CDH1: variants seen among roughly 807,000 people sequenced by gnomAD.
The protein encoded by CDH1 is cadherin 1.
Under a neutral mutation model 84.5 loss-of-function variants are expected in CDH1, and 35 were observed. The ratio of observed to expected loss-of-function variants is 0.41; its 90% CI spans 0.32 to 0.55. The LOEUF is 0.55. Among genes scored for constraint, CDH1 ranks in the 20% least tolerant of loss-of-function variants. The pLI, the probability that CDH1 is intolerant of heterozygous loss-of-function variation, is 0.19. For missense variants in CDH1, 994 were observed against 1,126.6 expected, an observed-to-expected ratio of 0.88 and a Z score of 1.68; for synonymous variants, 417 against 439.0, an observed-to-expected ratio of 0.95 and a Z score of 0.63.
rs2152134829 is a variant in CDH1 at position 68,815,594 on chromosome 16, C to T, written c.1400C>T (p.Thr467Ile). Residue 467 changes from threonine to isoleucine, a missense_variant, in exon 10 of 16, where the codon ACC becomes ATC. Around this residue, in one of 3 missense-constraint regions of CDH1, gnomAD observed 769 missense variants for 881.8 expected, o/e 0.87. Coordinates refer to ENST00000261769, the MANE Select transcript of CDH1 (RefSeq NM_004360.5). The part of the protein sequence containing the change: ...TNVVPFEVSL[T>I]TSTATVTVDV... Reference sequence around the variant, plus strand: ...GTGGTACCTTTTGAGGTCTCTCTCACCACCTCCACAGCCACCGTCACCGTG... The same window carrying T: ...GTGGTACCTTTTGAGGTCTCTCTCATCACCTCCACAGCCACCGTCACCGTG... 2 of 1,614,214 alleles carry T rather than the reference C, an allele frequency of 1.2e-6. No individual in the cohort carries two copies. The highest frequency in any genetic ancestry group is 1.7e-6 in the Non-Finnish European group (2 of 1,180,044).
chr16:68,825,961 C>T (rs1453597294), intron 13 of CDH1, among the ~76,000 whole-genome samples: 1 of 151,852 alleles, frequency 6.6e-6, no homozygotes, highest in Non-Finnish European at 1.5e-5. Context: ...GGACCACAGG[C>T]ATGAGCCACC....
At chr16:68,831,004 C>T (rs1961467427) in intron 15 of CDH1, among the ~76,000 whole-genome samples, 1 of 148,508 alleles carries the variant, frequency 6.7e-6, no homozygotes, top group Non-Finnish European at 1.5e-5. Context: ...ATTTTCTGGG[C>T]TTGTCTGATG....
intron 2 of CDH1, among the ~76,000 whole-genome samples, chr16:68,741,066 A>C (rs1161065210): frequency 6.6e-6 from 1 of 151,788 alleles, no homozygotes; most frequent in Non-Finnish European, 1.5e-5. Flanking sequence ...GAGATGGGTC[A>C]GACCCGGGGG....
At chr16:68,759,394 T>C (rs1316871396) in intron 2 of CDH1, among the ~76,000 whole-genome samples, 1 of 152,206 alleles carries the variant, frequency 6.6e-6, no homozygotes, top group Admixed American at 6.5e-5. Context: ...ATTTATTGAT[T>C]GAGTACTCAA....
At chr16:68,800,043 A>G (rs977387487) in intron 2 of CDH1, among the ~76,000 whole-genome samples, 1 of 151,362 alleles carries the variant, frequency 6.6e-6, no homozygotes, top group African/African-American at 2.4e-5. Flanking sequence ...TAAAAAAAAA[A>G]AAAAAACCAA....
chr16:68,772,546 C>T (rs1210967876), intron 2 of CDH1, among the ~76,000 whole-genome samples: 2 of 152,102 alleles, frequency 1.3e-5, no homozygotes, highest in Non-Finnish European at 1.5e-5. Flanking sequence ...TGGGCTAACC[C>T]GCACCGTATA....
At position 68,801,936 on chromosome 16, in the gene CDH1, C is replaced by T. The variant is rs746755728; in HGVS notation, c.387+43C>T. On this transcript the variant is annotated intron_variant, in intron 3 of 15. Coordinates refer to ENST00000261769, the MANE Select transcript of CDH1 (RefSeq NM_004360.5). The stretch of plus-strand genomic sequence containing the variant: ...TGAGAAGTTCGCTGTTGTTTTAGTG[C>T]GCTGTCTAATCCAGGTTTCTCAGCC... The T allele has an allele frequency of 1.9e-5, 29 of 1,488,442 alleles. No homozygotes were observed. In the Admixed American group the frequency reaches 2.0e-4, roughly 10 times the overall value. The allele number at this position is 1,488,442 out of a possible 1,614,324, so 92.2% of individuals were successfully genotyped here. A position where few individuals can be genotyped will look rare whatever the true frequency, so the allele number is the denominator to read the frequency against.
At position 68,808,592 on chromosome 16, in the gene CDH1, T is replaced by A. The variant is rs557258837; in HGVS notation, c.531+25T>A. ...GGTAGAGAAAGAAGTTCTCTGTTTC[T>A]CTGGGAGGGATTTGGCAGAGAAGTA... is the stretch of plus-strand genomic sequence containing the variant. On this transcript the variant is annotated intron_variant, in intron 4 of 15. Coordinates refer to ENST00000261769, the MANE Select transcript of CDH1 (RefSeq NM_004360.5). 9.6e-5 allele frequency: 155 copies of A among 1,614,120 alleles called. 2 individuals carry two copies. The South Asian group carries it at 1.7e-3, about 18-fold the overall frequency.
rs191849611 is a variant in CDH1 at position 68,781,490 on chromosome 16, G to A, written c.164-20180G>A. Among the ~76,000 whole-genome samples the A allele has an allele frequency of 1.8e-3, 271 of 152,130 alleles. 2 individuals are homozygous for A. Among genetic ancestry groups the A allele is most frequent in the Non-Finnish European group, 1.9e-3 (128 of 67,976 alleles). Reference sequence around the variant, plus strand: ...CCAGTAATTGGGACTACAGGAGCATGCCACTACACCTGGCTAATTTTTTCT... The same window carrying A: ...CCAGTAATTGGGACTACAGGAGCATACCACTACACCTGGCTAATTTTTTCT... On this transcript the variant is annotated intron_variant, in intron 2 of 15. Transcript: ENST00000261769.
intron 13 of CDH1, among the ~76,000 whole-genome samples, chr16:68,827,572 A>G (rs980021751): frequency 1.3e-5 from 2 of 152,140 alleles, no homozygotes; most frequent in African/African-American, 4.8e-5. Flanking sequence ...ATCTTAAGAG[A>G]AAATAAGAAC....
rs2152134624 is a variant in CDH1, at chr16:68,815,475, G to A, written c.1321-40G>A. 2 of 1,613,504 alleles carry A rather than the reference G, an allele frequency of 1.2e-6. No homozygotes were observed. The highest frequency in any genetic ancestry group is 1.7e-6 in the Non-Finnish European group (2 of 1,179,880). ...AATTTTATTTTTACTAACACAAAAT[G>A]TTTCGTTTTGTTTTTAACTTCATTG... On this transcript the variant is annotated intron_variant, in intron 9 of 15. Coordinates refer to ENST00000261769, the MANE Select transcript of CDH1 (RefSeq NM_004360.5).
At chr16:68,756,407 G>C (rs1963020861) in intron 2 of CDH1, among the ~76,000 whole-genome samples, 1 of 152,112 alleles carries the variant, frequency 6.6e-6, no homozygotes, top group South Asian at 2.1e-4. Context: ...CCGACATTGA[G>C]AGGCCTCTCC....
intron 9 of CDH1, 155 bp downstream of exon 9, chr16:68,813,650 C>A: frequency 2.5e-6 from 2 of 796,862 alleles, no homozygotes; most frequent in Non-Finnish European, 4.5e-6. Flanking sequence ...TGCAGTGGCT[C>A]TTCCTGCTCA....
At chr16:68,805,614 G>A (rs1960634627) in intron 3 of CDH1, among the ~76,000 whole-genome samples, 1 of 152,044 alleles carries the variant, frequency 6.6e-6, no homozygotes, top group Non-Finnish European at 1.5e-5. Context: ...TCTTTTTTGA[G>A]ATGCAGTTTC....
rs1064795881 is a variant in CDH1 at position 68,810,177 on chromosome 16, C to A, written c.688-20C>A. On this transcript the variant is annotated intron_variant, in intron 5 of 15. Transcript: ENST00000261769. ...TTCTTCCTCATCAGAGCTCAAGTCACCCTCACTTGGTTCTTTCAGCTCTTC... is the reference window on the plus strand; with the variant it reads ...TTCTTCCTCATCAGAGCTCAAGTCAACCTCACTTGGTTCTTTCAGCTCTTC... 2 of 1,613,934 alleles carry A rather than the reference C, an allele frequency of 1.2e-6. No individual in the cohort carries two copies. Among genetic ancestry groups the A allele is most frequent in the Non-Finnish European group, 1.7e-6 (2 of 1,179,864 alleles).
intron 2 of CDH1, among the ~76,000 whole-genome samples, chr16:68,758,658 G>A (rs1294634487): frequency 8.0e-6 from 1 of 124,856 alleles, no homozygotes; most frequent in East Asian, 2.7e-4. Context: ...TGTCAAGGGA[G>A]TGAAAAAGCA....
At chr16:68,812,817 G>A (rs36001638) in intron 8 of CDH1, among the ~76,000 whole-genome samples, 1 of 152,180 alleles carries the variant, frequency 6.6e-6, no homozygotes, top group African/African-American at 2.4e-5. Flanking sequence ...AAGGCTGGTG[G>A]ATCCCTTGAG....
chr16:68,777,415 T>A lies in CDH1; in HGVS notation c.164-24255T>A, dbSNP rs529674406. Among the ~76,000 whole-genome samples the A allele has an allele frequency of 2.6e-5, 4 of 152,312 alleles. No individual in the cohort carries two copies. In the South Asian group the frequency reaches 8.3e-4, roughly 32 times the overall value. ...ATAAATGACTAATATAAGCCTGGCATGCAGTGTGCTCTAGAGCATTAGCTG... is the reference window on the plus strand; with the variant it reads ...ATAAATGACTAATATAAGCCTGGCAAGCAGTGTGCTCTAGAGCATTAGCTG... On this transcript the variant is annotated intron_variant, in intron 2 of 15. Coordinates refer to ENST00000261769, the MANE Select transcript of CDH1 (RefSeq NM_004360.5).
chr16:68,752,053 G>A (rs867180185), intron 2 of CDH1, among the ~76,000 whole-genome samples: 13 of 151,394 alleles, frequency 8.6e-5, no homozygotes, highest in African/African-American at 2.9e-4. Context: ...CCGGGTTCAA[G>A]CAATTCTCCT....
Sources: gnomAD v4.1 joint callset for allele counts (sites outside exome capture counted in the v4.1 genomes callset) on GRCh38, gnomAD v4.1.1 for gene constraint, gnomAD v4.1.1 regional missense constraint, MANE v1.5 for transcripts, NCBI Gene and HGNC (gene_info 2026-07-23, HGNC 2026-07-21) for gene names.